LAMP5: variants seen among roughly 807,000 people sequenced by gnomAD.
LAMP5 encodes lysosome associated membrane protein 5.
In LAMP5, 36 loss-of-function variants were observed where a neutral mutation model predicts 30.2. The observed-to-expected ratio is 1.19, with a 90% confidence interval of 0.91 to 1.57. LAMP5 has a LOEUF of 1.57. Among genes scored for constraint, LAMP5 ranks in the 40% most tolerant of loss-of-function variants. LAMP5 has a pLI of 0.00. For synonymous variants in LAMP5, 149 were observed against 134.6 expected (o/e 1.11, Z -0.74); for missense variants, 377 against 354.9 (o/e 1.06, Z -0.50).
intron 2 of LAMP5, 62 bp downstream of exon 2, chr20:9,515,687 C>G: frequency 6.4e-7 from 1 of 1,556,566 alleles, no homozygotes; most frequent in Non-Finnish European, 8.7e-7. Flanking sequence ...GGCACCCTTC[C>G]TCAAGGCTCT....
rs138222601 is a variant in LAMP5, at chr20:9,522,073, C to T, written c.664+3845C>T. 1.2e-4 allele frequency among the ~76,000 whole-genome samples: 18 copies of T among 152,274 alleles called. No individual in the cohort carries two copies. In the East Asian group the frequency reaches 3.5e-3, roughly 29 times the overall value. ...AAGCGAATTGGTGAAGGCTTCCCTC[C>T]TAGAACCTGTCTTTGGGTATCAGAG... On this transcript the variant is annotated intron_variant, in intron 5 of 5. Transcript: ENST00000246070.
chr20:9,521,367 G>A (rs2045078662), intron 5 of LAMP5, among the ~76,000 whole-genome samples: 1 of 152,116 alleles, frequency 6.6e-6, no homozygotes, highest in Admixed American at 6.5e-5. Flanking sequence ...AGGTTTCAAG[G>A]AGTATGCAAA....
At chr20:9,515,709 G>A (rs1568942265) in intron 2 of LAMP5, 84 bp downstream of exon 2, 5 of 1,467,242 alleles carry the variant, frequency 3.4e-6, no homozygotes, top group Non-Finnish European at 3.7e-6. Flanking sequence ...CGAAGACCTG[G>A]GTTGCCCGCC....
chr20:9,520,565 G>A (rs1041011158), intron 5 of LAMP5, among the ~76,000 whole-genome samples: 71 of 149,654 alleles, frequency 4.7e-4, no homozygotes, highest in African/African-American at 1.7e-3. Flanking sequence ...CTGCAGGGGT[G>A]TGTCCGTGTG....
At chr20:9,524,595 T>TAAAAA (rs748114210) in intron 5 of LAMP5, among the ~76,000 whole-genome samples, 87 of 82,010 alleles carry the variant, frequency 1.1e-3, no homozygotes, top group East Asian at 4.1e-3. Context: ...CAGATCGAAC[T>TAAAAA]AAAAAAAAAA....
chr20:9,522,298 A>G (rs879588599), intron 5 of LAMP5, among the ~76,000 whole-genome samples: 1 of 152,152 alleles, frequency 6.6e-6, no homozygotes, highest in Non-Finnish European at 1.5e-5. Flanking sequence ...TGTTAGTGTA[A>G]ATGAACATGG....
At chr20:9,527,615 A>G (rs939623159) in intron 5 of LAMP5, among the ~76,000 whole-genome samples, 19 of 152,206 alleles carry the variant, frequency 1.2e-4, no homozygotes, top group Admixed American at 7.2e-4. Flanking sequence ...CTTGGTGTTT[A>G]TGAAGAGACA....
chr20:9,522,300 T>C (rs1313093764), intron 5 of LAMP5, among the ~76,000 whole-genome samples: 2 of 152,194 alleles, frequency 1.3e-5, no homozygotes, highest in Non-Finnish European at 2.9e-5. Context: ...TTAGTGTAAA[T>C]GAACATGGCT....
chr20:9,514,924 G>C lies in LAMP5; in HGVS notation c.64+8G>C. On this transcript the variant is annotated splice_region_variant and intron_variant, in intron 1 of 5. Transcript: ENST00000246070. ...TTCTCCTGATGTTGTTCCGTGAGTAGCGATTTGGCGACTGGGAGAGAGGAC... is the reference window on the plus strand; with the variant it reads ...TTCTCCTGATGTTGTTCCGTGAGTACCGATTTGGCGACTGGGAGAGAGGAC... 1 of 1,613,970 alleles carries C rather than the reference G, an allele frequency of 6.2e-7. No individual in the cohort carries two copies. Among genetic ancestry groups the C allele is most frequent in the Non-Finnish European group, 8.5e-7 (1 of 1,179,822 alleles).
intron 4 of LAMP5, among the ~76,000 whole-genome samples, chr20:9,517,505 A>G (rs1216595214): frequency 6.6e-6 from 1 of 151,882 alleles, no homozygotes; most frequent in African/African-American, 2.4e-5. Flanking sequence ...TGGCACCACC[A>G]TAGATCACCA....
At chr20:9,529,191 A>G (rs2045133747) in intron 5 of LAMP5, among the ~76,000 whole-genome samples, 4 of 152,218 alleles carry the variant, frequency 2.6e-5, no homozygotes, top group Admixed American at 2.6e-4. Flanking sequence ...AACATTTTTC[A>G]ACAAGGGTGT....
intron 4 of LAMP5, among the ~76,000 whole-genome samples, chr20:9,517,056 C>T (rs1426162781): frequency 6.6e-6 from 1 of 152,166 alleles, no homozygotes; most frequent in Non-Finnish European, 1.5e-5. Context: ...CATAATGAGG[C>T]CCTTCATCAC....
chr20:9,518,734 G>A (rs926476), intron 5 of LAMP5, among the ~76,000 whole-genome samples: 9 of 152,226 alleles, frequency 5.9e-5, no homozygotes, highest in African/African-American at 2.2e-4. Flanking sequence ...TTCTGGGCCC[G>A]TTTCTTCTTG....
chr20:9,515,305 C>T (rs1210954581), intron 1 of LAMP5, 148 bp from the exon 2 acceptor site: 3 of 647,830 alleles, frequency 4.6e-6, no homozygotes, highest in Non-Finnish European at 7.8e-6. Context: ...TTGTTAGACC[C>T]GGGTTAGAGA....
rs1031154814 is a variant in LAMP5, at chr20:9,515,031, G to A, written c.64+115G>A. 62 of 1,006,018 alleles carry A rather than the reference G, an allele frequency of 6.2e-5. 2 individuals carry two copies. In the African/African-American group the frequency reaches 9.5e-4, roughly 15 times the overall value. The allele number at this position is 1,006,018 out of a possible 1,614,324, so 62.3% of individuals were successfully genotyped here. ...AAAATATGGCCCTTAATGTTTTGCG[G>A]TGTTTTTTCTTTTTTTCTTTTAGGG... On this transcript the variant is annotated intron_variant, in intron 1 of 5. Transcript: ENST00000246070.
Position 9,529,710 on chromosome 20 carries a change from T to C in LAMP5, c.733T>C (p.Leu245=). The change falls in exon 6 of 6, where the codon TTG becomes CTG. Residue 245 remains leucine, a synonymous_variant. Transcript: ENST00000246070. ...CTTGCCCCTGATTTTGGGGCTCATC[T>C]TGGGCCTCGTCATCATGGTAACACT... ...ETLPLILGLI[L]GLVIMVTLAI... is the part of the protein sequence containing the mutation. 6.2e-7 allele frequency: 1 copy of C among 1,614,212 alleles called. No individual in the cohort carries two copies. The highest frequency in any genetic ancestry group is 1.1e-5 in the South Asian group (1 of 91,090).
intron 5 of LAMP5, among the ~76,000 whole-genome samples, chr20:9,526,369 A>G (rs1164591637): frequency 6.6e-6 from 1 of 152,236 alleles, no homozygotes; most frequent in African/African-American, 2.4e-5. Flanking sequence ...AAACCCTGCA[A>G]TCTGTGTTAA....
rs2045035777 is a variant in LAMP5, at chr20:9,516,045, G to A, written c.283G>A (p.Val95Met). ...ADIALTRGAE[V>M]KGRCGHSQSE... ...TATCGCATTGACCCGGGGAGCTGAG[G>A]TGAAGGGCCGCTGTGGCCACAGCCA... Residue 95 changes from valine to methionine, a missense_variant, in exon 3 of 6, where the codon GTG becomes ATG. Val to Met is a conservative substitution (Grantham distance 21, BLOSUM62 1). Transcript: ENST00000246070. 4 of 1,540,086 alleles carry A rather than the reference G, an allele frequency of 2.6e-6. No individual in the cohort carries two copies. The South Asian group carries it at 5.2e-5, about 20-fold the overall frequency.
rs1555891932 is a variant in LAMP5, at chr20:9,526,901, T to TAC, written c.665-2733_665-2732dup. Among the ~76,000 whole-genome samples, 414 of 114,212 alleles carry TAC rather than the reference T, an allele frequency of 3.6e-3. 1 individual carries two copies. Among genetic ancestry groups the TAC allele is most frequent in the Middle Eastern group, 0.015 (3 of 198 alleles). 74.9% of individuals were successfully genotyped at this position (114,212 alleles called of 152,430 possible). ...ATATATATATATATATATATATATA[T>TAC]ACACACACATACAAAACAGTTGTAT... On this transcript the variant is annotated intron_variant, in intron 5 of 5. Coordinates refer to ENST00000246070, the MANE Select transcript of LAMP5 (RefSeq NM_012261.4).
Sources: allele counts gnomAD v4.1 joint callset (sites outside exome capture counted in the v4.1 genomes callset), GRCh38; gene constraint gnomAD v4.1.1; transcripts MANE v1.5; gene names NCBI Gene and HGNC (gene_info 2026-07-23, HGNC 2026-07-21).